Variants in LSP1 observed in about 807,000 individuals in gnomAD.
LSP1 encodes the protein lymphocyte-specific protein 1.
In LSP1, 32 loss-of-function variants were observed where a neutral mutation model predicts 49.3. The observed-to-expected ratio is 0.65, with a 90% CI of 0.49 to 0.87. The LOEUF (loss-of-function observed/expected upper bound fraction) is 0.87. LSP1 is among the 40% of genes least tolerant of loss of function. LSP1 has a pLI of 0.00. For synonymous variants in LSP1, 179 were observed against 178.8 expected (o/e 1.00, Z -0.01); for missense variants, 428 against 442.6 (o/e 0.97, Z 0.30).
At chr11:1,871,592 G>C (rs901327592) in intron 1 of LSP1, among the ~76,000 whole-genome samples, 2 of 152,330 alleles carry the variant, frequency 1.3e-5, no homozygotes, top group East Asian at 3.9e-4. Flanking sequence ...CAAGGCTTGC[G>C]GCTCTGCGGA....
At chr11:1,867,570 CATG>C (rs1847835377) in intron 1 of LSP1, among the ~76,000 whole-genome samples, 1 of 152,082 alleles carries the variant, frequency 6.6e-6, no homozygotes, top group Non-Finnish European at 1.5e-5. Context: ...CTCAGCCGGG[CATG>C]ATGAGCCCGG....
chr11:1,887,426 C>A (rs879090185), intron 9 of LSP1, 48 bp from the exon 10 acceptor site: 2 of 1,578,364 alleles, frequency 1.3e-6, no homozygotes, highest in Non-Finnish European at 1.7e-6. Context: ...GCAGCATCAT[C>A]TCCTTTCTGC....
chr11:1,867,567 G>C (rs1056448119), intron 1 of LSP1, among the ~76,000 whole-genome samples: 1 of 152,044 alleles, frequency 6.6e-6, no homozygotes, highest in Non-Finnish European at 1.5e-5. Context: ...CCACTCAGCC[G>C]GGCATGATGA....
At position 1,884,451 on chromosome 11, in the gene LSP1, G is replaced by C; in HGVS notation, c.636-49G>C. 1 of 1,604,166 alleles carries C rather than the reference G, an allele frequency of 6.2e-7. No homozygotes were observed. Among genetic ancestry groups the C allele is most frequent in the South Asian group, 1.1e-5 (1 of 90,890 alleles). ...TCTGGGAGAGGCTTGGGCAGGTTGG[G>C]AGAAGCCTTGTGGGAGACATGGGGC... On this transcript the variant is annotated intron_variant, in intron 6 of 10. Coordinates refer to ENST00000311604, the MANE Select transcript of LSP1 (RefSeq NM_002339.3). This position sits in a 1 kb window ranked among gnomAD's most constrained non-coding sequence, Gnocchi z 4.1.
intron 1 of LSP1, among the ~76,000 whole-genome samples, chr11:1,864,829 C>T (rs963561593): frequency 3.3e-5 from 5 of 151,606 alleles, no homozygotes; most frequent in Non-Finnish European, 2.9e-5. Flanking sequence ...CCACAGACCC[C>T]TGTGCCAGGT....
chr11:1,880,296 A>T, intron 2 of LSP1, 72 bp downstream of exon 2: 1 of 1,440,524 alleles, frequency 6.9e-7, no homozygotes, highest in Non-Finnish European at 9.1e-7. Flanking sequence ...GCAGAGGGGG[A>T]GGTCAAGGGC....
At chr11:1,870,808 C>G (rs558381242) in intron 1 of LSP1, 1 of 987,838 alleles carries the variant, frequency 1.0e-6, no homozygotes, top group Non-Finnish European at 1.2e-6. Context: ...GGCAGAGCCT[C>G]GAGCCGTTGC....
At chr11:1,856,456 G>A (rs1847491896) in intron 1 of LSP1, among the ~76,000 whole-genome samples, 1 of 152,244 alleles carries the variant, frequency 6.6e-6, no homozygotes, top group Admixed American at 6.5e-5. Flanking sequence ...GGCCTGCCCA[G>A]CCCGCGGTGG....
chr11:1,871,315 G>A (rs1847996499), intron 1 of LSP1: 1 of 986,260 alleles, frequency 1.0e-6, no homozygotes, highest in Non-Finnish European at 1.2e-6. Context: ...CTCCGACCCA[G>A]GCTGGTCGCC....
rs1213539190 is a variant in LSP1, at chr11:1,884,953, C to T, written c.717+372C>T. 6.6e-6 allele frequency among the ~76,000 whole-genome samples: 1 copy of T among 151,976 alleles called. No individual in the cohort carries two copies. Among genetic ancestry groups the T allele is most frequent in the Admixed American group, 6.6e-5 (1 of 15,264 alleles). Reference sequence around the variant, plus strand: ...TGCCCCCCTCGGAACAGTACTCCACCACCCAATCAATGCTCTTTCATCCTA... The same window carrying T: ...TGCCCCCCTCGGAACAGTACTCCACTACCCAATCAATGCTCTTTCATCCTA... On this transcript the variant is annotated intron_variant, in intron 7 of 10. Coordinates refer to ENST00000311604, the MANE Select transcript of LSP1 (RefSeq NM_002339.3). This position sits in a 1 kb window ranked among gnomAD's most constrained non-coding sequence, Gnocchi z 4.1.
In LSP1 at chr11:1,870,672, C is replaced by T. The variant is rs377181226; in HGVS notation, c.54-9415C>T. 2.3e-5 allele frequency: 25 copies of T among 1,070,560 alleles called. 1 individual carries two copies. The highest frequency in any genetic ancestry group is 6.0e-5 in the South Asian group (2 of 33,524). The allele number at this position is 1,070,560 out of a possible 1,614,324, so 66.3% of individuals were successfully genotyped here. A position where few individuals can be genotyped will look rare whatever the true frequency, so the allele number is the denominator to read the frequency against. On this transcript the variant is annotated intron_variant, in intron 1 of 10. Transcript: ENST00000311604. ...GTGGCTCCCGCCCAGGTGGGCACCA[C>T]GTCTGAATAATGTATGAAGCCTCTG...
intron 1 of LSP1, among the ~76,000 whole-genome samples, chr11:1,876,955 C>G (rs1023582759): frequency 2.6e-5 from 4 of 152,188 alleles, no homozygotes; most frequent in South Asian, 2.1e-4. Context: ...GGAGCCCCCC[C>G]ACCGCCTGGC....
chr11:1,872,387 T>C (rs1411335878), intron 1 of LSP1, among the ~76,000 whole-genome samples: 1 of 143,266 alleles, frequency 7.0e-6, no homozygotes, highest in Non-Finnish European at 1.5e-5. Flanking sequence ...CGTGGGCACC[T>C]TTGGGACGGG....
intron 1 of LSP1, among the ~76,000 whole-genome samples, chr11:1,856,376 G>A (rs997779217): frequency 6.6e-6 from 1 of 152,266 alleles, no homozygotes. Flanking sequence ...AGTTTTGGAA[G>A]GTGTCAGAGC....
Position 1,870,465 on chromosome 11 carries a change from G to A in LSP1, c.54-9622G>A, listed in dbSNP as rs145078787. The A allele has an allele frequency of 1.7e-4, 199 of 1,196,828 alleles. 2 individuals carry two copies. The African/African-American group carries it at 2.7e-3, about 16-fold the overall frequency. The allele number at this position is 1,196,828 out of a possible 1,614,324, so 74.1% of individuals were successfully genotyped here. ...TGGGAGGGGCTGGTCAGCCATGAAA[G>A]CTTCGGGGAGGGGCCGGTGGCCAGG... is the stretch of plus-strand genomic sequence containing the variant. On this transcript the variant is annotated intron_variant, in intron 1 of 10. Coordinates refer to ENST00000311604, the MANE Select transcript of LSP1 (RefSeq NM_002339.3).
At chr11:1,867,011 C>CTG in intron 1 of LSP1, 1 of 1,227,214 alleles carries the variant, frequency 8.1e-7, no homozygotes, top group Non-Finnish European at 1.1e-6. Flanking sequence ...CGCGTGGGCC[C>CTG]AGGCTCAGGG....
At chr11:1,880,446 G>A (rs1426806660) in intron 2 of LSP1, among the ~76,000 whole-genome samples, 9 of 152,026 alleles carry the variant, frequency 5.9e-5, no homozygotes, top group Non-Finnish European at 1.2e-4. Context: ...CCTCCTGGGC[G>A]CTGACCCAGG....
chr11:1,886,320 A>G (rs1848746927), intron 7 of LSP1, among the ~76,000 whole-genome samples: 1 of 151,314 alleles, frequency 6.6e-6, no homozygotes, highest in Non-Finnish European at 1.5e-5. Context: ...CATCCAATCA[A>G]TATTCCTTCA....
intron 8 of LSP1, 56 bp from the exon 9 acceptor site, chr11:1,887,181 C>T: frequency 7.3e-7 from 1 of 1,369,278 alleles, no homozygotes; most frequent in Non-Finnish European, 1.0e-6. Context: ...CCCAGGGCTT[C>T]TACTCCCCAA....
Sources: gnomAD v4.1 joint callset for allele counts (sites outside exome capture counted in the v4.1 genomes callset) on GRCh38, gnomAD v4.1.1 for gene constraint, Gnocchi (gnomAD v3.1) non-coding constraint, MANE v1.5 for transcripts, NCBI Gene and HGNC (gene_info 2026-07-23, HGNC 2026-07-21) for gene names.